The following RAD54L2 variants were observed in gnomAD, a reference collection of about 807,000 sequenced individuals.
The protein encoded by RAD54L2 is helicase ARIP4.
A neutral mutation model predicts 138.4 loss-of-function variants in RAD54L2; 27 were observed. The observed-to-expected ratio is 0.20, with a 90% CI of 0.14 to 0.27. The LOEUF is 0.27. RAD54L2 is among the 10% of genes least tolerant of loss of function. RAD54L2 has a pLI of 1.00. For synonymous variants in RAD54L2, 644 were observed against 723.2 expected (o/e 0.89, Z 1.76); for missense variants, 1,396 against 1,890.2 (o/e 0.74, Z 4.85).
chr3:51,653,878 A>G (rs541733840), intron 19 of RAD54L2, among the ~76,000 whole-genome samples: 1 of 152,278 alleles, frequency 6.6e-6, no homozygotes, highest in East Asian at 1.9e-4. Context: ...ACATGTATAC[A>G]TACGTAACAA....
Position 51,645,442 on chromosome 3 carries a change from C to T in RAD54L2, c.2657-149C>T. The T allele has an allele frequency of 1.0e-6, 1 of 979,040 alleles. No homozygotes were observed. The highest frequency in any genetic ancestry group is 1.5e-6 in the Non-Finnish European group (1 of 670,964). 60.6% of individuals were successfully genotyped at this position (979,040 alleles called of 1,614,324 possible). On this transcript the variant is annotated intron_variant, in intron 17 of 22. Transcript: ENST00000684192. This position sits in a 1 kb window ranked among gnomAD's most constrained non-coding sequence, Gnocchi z 6.1. ...AATGATAACAGCCAAGCTCGTTATACAAGTTTTCCCCTTATATGATGTTTC... is the reference window on the plus strand; with the variant it reads ...AATGATAACAGCCAAGCTCGTTATATAAGTTTTCCCCTTATATGATGTTTC...
Position 51,639,490 on chromosome 3 carries a change from C to T in RAD54L2, c.1932C>T (p.Asp644=), listed in dbSNP as rs749261050. 2.9e-5 allele frequency: 46 copies of T among 1,613,864 alleles called. 1 individual carries two copies. In the Admixed American group the frequency reaches 4.5e-4, roughly 16 times the overall value. ...KESLANEQDL[D]VEELGSAGTS... is the part of the protein sequence containing the mutation. Reference sequence around the variant, plus strand: ...GCTTGGCCAATGAGCAGGACCTAGACGTGGAAGAACTTGGCTCTGCAGGGA... The same window carrying T: ...GCTTGGCCAATGAGCAGGACCTAGATGTGGAAGAACTTGGCTCTGCAGGGA... Residue 644 remains aspartate (D), a synonymous_variant, in exon 13 of 23, where the codon GAC becomes GAT. Transcript: ENST00000684192.
At chr3:51,641,242 G>A (rs1017930467) in intron 14 of RAD54L2, among the ~76,000 whole-genome samples, 4 of 152,066 alleles carry the variant, frequency 2.6e-5, no homozygotes. Flanking sequence ...CTGACCTCAG[G>A]TGATCCGCCC....
intron 2 of RAD54L2, among the ~76,000 whole-genome samples, chr3:51,559,483 C>T (rs1435525718): frequency 6.6e-6 from 1 of 152,206 alleles, no homozygotes; most frequent in Non-Finnish European, 1.5e-5. Context: ...ACTGATTCAT[C>T]CCACTGCCTC....
At chr3:51,568,188 A>G (rs112665942) in intron 2 of RAD54L2, among the ~76,000 whole-genome samples, 2 of 152,172 alleles carry the variant, frequency 1.3e-5, no homozygotes, top group African/African-American at 4.8e-5. Flanking sequence ...TGCAGCTGTC[A>G]CCGTTGACTT....
chr3:51,639,358 C>A (rs748091882), intron 12 of RAD54L2, 61 bp from the exon 13 acceptor site: 2 of 1,582,610 alleles, frequency 1.3e-6, no homozygotes, highest in Non-Finnish European at 1.7e-6. Flanking sequence ...TTCCAGACTC[C>A]CTGGGACACC....
intron 22 of RAD54L2, among the ~76,000 whole-genome samples, chr3:51,660,935 A>T (rs1268642130): frequency 7.2e-6 from 1 of 139,598 alleles, no homozygotes; most frequent in Non-Finnish European, 1.5e-5. Context: ...TTTCTCCTCC[A>T]CCATGGTCGC....
chr3:51,658,476 G>C (rs1324848466), intron 21 of RAD54L2, among the ~76,000 whole-genome samples: 1 of 152,168 alleles, frequency 6.6e-6, no homozygotes, highest in Non-Finnish European at 1.5e-5. Context: ...CTTTCAGAGG[G>C]ATATGAGATT....
At chr3:51,562,603 G>A (rs1306949664) in intron 2 of RAD54L2, among the ~76,000 whole-genome samples, 1 of 152,072 alleles carries the variant, frequency 6.6e-6, no homozygotes, top group Non-Finnish European at 1.5e-5. Context: ...GACCTCAGGT[G>A]AGGAGGTCAC....
chr3:51,546,708 T>C (rs1424515070), intron 2 of RAD54L2, among the ~76,000 whole-genome samples: 1 of 150,184 alleles, frequency 6.7e-6, no homozygotes, highest in African/African-American at 2.4e-5. Flanking sequence ...TTGATGACAT[T>C]TTGTGAGCAG....
intron 12 of RAD54L2, chr3:51,639,169 T>C: frequency 2.0e-6 from 1 of 506,756 alleles, no homozygotes; most frequent in Non-Finnish European, 3.5e-6. Context: ...TTTTTGATTA[T>C]GTATCAAACA....
intron 1 of RAD54L2, among the ~76,000 whole-genome samples, chr3:51,539,450 A>G (rs1458099075): frequency 1.3e-5 from 2 of 152,118 alleles, no homozygotes; most frequent in Non-Finnish European, 2.9e-5. Context: ...CTGGAAAGGC[A>G]GGAGCTCAGC....
Position 51,638,038 on chromosome 3 carries a change from C to A in RAD54L2, c.1683-106C>A. On this transcript the variant is annotated intron_variant, in intron 11 of 22. Coordinates refer to ENST00000684192, the MANE Select transcript of RAD54L2 (RefSeq NM_015106.4). The surrounding 1 kb of genome is among the most constrained non-coding windows in gnomAD (Gnocchi z 4.3). ...GCAAGGCTGCAGTGCATGTTGAGAT[C>A]CTCAAGAGGGAGGTGTGGCAGGAGT... The A allele has an allele frequency of 1.9e-6, 2 of 1,059,614 alleles. No homozygotes were observed. The highest frequency in any genetic ancestry group is 1.6e-5 in the South Asian group (1 of 64,154). The allele number at this position is 1,059,614 out of a possible 1,614,324, so 65.6% of individuals were successfully genotyped here.
intron 21 of RAD54L2, among the ~76,000 whole-genome samples, chr3:51,659,463 G>A (rs1016716930): frequency 6.6e-6 from 1 of 152,208 alleles, no homozygotes; most frequent in African/African-American, 2.4e-5. Flanking sequence ...AGGCAGCACT[G>A]ACATTCGAGG....
At chr3:51,569,860 GAC>G (rs1459715851) in intron 2 of RAD54L2, among the ~76,000 whole-genome samples, 3 of 151,736 alleles carry the variant, frequency 2.0e-5, no homozygotes, top group African/African-American at 7.3e-5. Context: ...GTATTTTCAA[GAC>G]ACAGTCTCAC....
At chr3:51,542,670 A>G (rs1698583578) in intron 2 of RAD54L2, among the ~76,000 whole-genome samples, 1 of 151,984 alleles carries the variant, frequency 6.6e-6, no homozygotes, top group Non-Finnish European at 1.5e-5. Flanking sequence ...TCATCGTGTT[A>G]GCCAGGATGG....
rs966920688 is a variant in RAD54L2, at chr3:51,662,185, T to G, written c.3410-241T>G. On this transcript the variant is annotated intron_variant, in intron 22 of 22. Transcript: ENST00000684192. This position sits in a 1 kb window ranked among gnomAD's most constrained non-coding sequence, Gnocchi z 4.6. ...TCTCGTAGGATTCATTTTGGTATAG[T>G]TTTACAGTTTGGGGAACTGGGGTGC... Among the ~76,000 whole-genome samples the G allele has an allele frequency of 6.6e-6, 1 of 152,150 alleles. No homozygotes were observed. Among genetic ancestry groups the G allele is most frequent in the Non-Finnish European group, 1.5e-5 (1 of 68,038 alleles).
At chr3:51,654,509 G>GGGACT (rs1257677982) in intron 19 of RAD54L2, among the ~76,000 whole-genome samples, 15 of 152,238 alleles carry the variant, frequency 9.9e-5, no homozygotes, top group African/African-American at 3.6e-4. Context: ...GCAACATAGT[G>GGGACT]GGACTCAATC....
chr3:51,646,277 G>C lies in RAD54L2; in HGVS notation c.2830-8G>C, dbSNP rs1701276526. ...GGTAACTAAATCAACATCCTCCTGT[G>C]TCCCCAGGAGCCTTTCGAGCATGAG... On this transcript the variant is annotated splice_polypyrimidine_tract_variant and splice_region_variant and intron_variant, in intron 18 of 22. Transcript: ENST00000684192. 1.9e-6 allele frequency: 3 copies of C among 1,571,466 alleles called. No individual in the cohort carries two copies.
Sources: allele counts gnomAD v4.1 joint callset (sites outside exome capture counted in the v4.1 genomes callset), GRCh38; gene constraint gnomAD v4.1.1; non-coding constraint Gnocchi (gnomAD v3.1); transcripts MANE v1.5; gene names NCBI Gene and HGNC (gene_info 2026-07-23, HGNC 2026-07-21).